The following ZNF469 variants were observed in gnomAD, a reference collection of about 807,000 sequenced individuals.
The protein encoded by ZNF469 is zinc finger protein 469.
A neutral mutation model predicts 1.0 loss-of-function variants in ZNF469; 1 was observed. The observed-to-expected ratio is 1.00, with a 90% CI of 0.35 to 4.73. The LOEUF is 4.73. ZNF469 is among the 30% of genes most tolerant of loss of function. The pLI is 0.16. For synonymous variants in ZNF469, 2,703 were observed against 2,363.4 expected (o/e 1.14, Z -4.17); for missense variants, 6,100 against 5,356.3 (o/e 1.14, Z -4.33).
the ZNF469 span, among the ~76,000 whole-genome samples, chr16:88,267,269 TCAC>T: frequency 5.9e-5 from 9 of 152,282 alleles, no homozygotes; most frequent in East Asian, 1.7e-3. Context: ...CCTCCACCCG[TCAC>T]CACATCGATT....
chr16:88,387,713 T>C (rs1455009429), intron 1 of ZNF469, among the ~76,000 whole-genome samples: 1 of 152,168 alleles, frequency 6.6e-6, no homozygotes, highest in Non-Finnish European at 1.5e-5. Flanking sequence ...CAGGCCAGGC[T>C]GAGAAGGCTC....
At chr16:88,417,774 C>CG (rs1453564452) in intron 1 of ZNF469, among the ~76,000 whole-genome samples, 11 of 152,206 alleles carry the variant, frequency 7.2e-5, no homozygotes, top group Non-Finnish European at 7.3e-5. Context: ...CTCCCAGTGC[C>CG]GGGGAGCTCT....
chr16:88,137,382 T>C, the ZNF469 span, among the ~76,000 whole-genome samples: 1 of 152,218 alleles, frequency 6.6e-6, no homozygotes, highest in Non-Finnish European at 1.5e-5. Flanking sequence ...CATACCACCA[T>C]GTGTGCGGTT....
At chr16:88,210,504 C>G in the ZNF469 span, among the ~76,000 whole-genome samples, 5 of 152,202 alleles carry the variant, frequency 3.3e-5, no homozygotes, top group African/African-American at 7.2e-5. Context: ...CATTTGGATG[C>G]TGAAGTTTAA....
At chr16:88,100,971 G>A in the ZNF469 span, 3 of 276,384 alleles carry the variant, frequency 1.1e-5, no homozygotes, top group East Asian at 1.5e-4. Context: ...CTGCTGCTGC[G>A]GACACCTGGG....
the ZNF469 span, among the ~76,000 whole-genome samples, chr16:88,239,691 ATATATATATATATATATATATATATTTTT>A: frequency 3.2e-4 from 2 of 6,300 alleles, no homozygotes; most frequent in Non-Finnish European, 3.1e-4. Flanking sequence ...ATATATATAT[ATATATATATATATATATATATATATTTTT>A]TTTTTTTTTT....
At chr16:88,347,910 T>A in the ZNF469 span, among the ~76,000 whole-genome samples, 1 of 152,288 alleles carries the variant, frequency 6.6e-6, no homozygotes, top group East Asian at 1.9e-4. Context: ...CCATGACCCC[T>A]GAGGAGGAGG....
rs942909542 is a variant in ZNF469, at chr16:88,436,805, G to A, written c.9335G>A (p.Arg3112Gln). The change falls in exon 3 of 3, where the codon CGG (arginine) becomes CAG (glutamine). Residue 3112 changes from arginine (R) to glutamine (Q), a missense_variant. Coordinates refer to ENST00000565624, the MANE Select transcript of ZNF469 (RefSeq NM_001367624.2). Reference sequence around the variant, plus strand: ...AGAGGCCGGCCGGCCAAGGGCAGGCGGGCCTCCTACAAGTGCAAAGTGTGC... The same window carrying A: ...AGAGGCCGGCCGGCCAAGGGCAGGCAGGCCTCCTACAAGTGCAAAGTGTGC... ...QGRGRPAKGR[R>Q]ASYKCKVCFQ... is the part of the protein sequence containing the mutation. 4.5e-6 allele frequency: 7 copies of A among 1,541,220 alleles called. No individual in the cohort carries two copies. Among genetic ancestry groups the A allele is most frequent in the Admixed American group, 3.9e-5 (2 of 50,910 alleles).
At chr16:88,250,544 G>A in the ZNF469 span, among the ~76,000 whole-genome samples, 3 of 152,144 alleles carry the variant, frequency 2.0e-5, no homozygotes, top group Admixed American at 6.5e-5. Context: ...GAAGTTTTAT[G>A]TCATTTCTTC....
chr16:88,413,982 C>T (rs572607499), intron 1 of ZNF469, among the ~76,000 whole-genome samples: 2 of 152,292 alleles, frequency 1.3e-5, no homozygotes, highest in African/African-American at 2.4e-5. Flanking sequence ...CCTGCTGCCA[C>T]CTGGCCAGTG....
At chr16:88,181,503 A>G in the ZNF469 span, among the ~76,000 whole-genome samples, 37 of 152,250 alleles carry the variant, frequency 2.4e-4, no homozygotes, top group Non-Finnish European at 4.7e-4. Flanking sequence ...GAATTAAGCC[A>G]GAAATTAATA....
the ZNF469 span, among the ~76,000 whole-genome samples, chr16:88,276,279 G>A: frequency 9.2e-5 from 14 of 152,094 alleles, no homozygotes; most frequent in Non-Finnish European, 5.9e-5. Flanking sequence ...AAGCACACTC[G>A]CTGGATATGG....
Position 88,433,940 on chromosome 16 carries a change from G to A in ZNF469, c.6470G>A (p.Arg2157Lys), listed in dbSNP as rs13334190. ...CAGCTGCCAGCATCTCCGTCCTGCA[G>A]GGACCCTCCCGGCCCCCAGCAGCTG... ...GGQLPASPSC[R>K]DPPGPQQLLA... The change falls in exon 3 of 3, where the codon AGG becomes AAG. Residue 2157 changes from arginine (R) to lysine (K), a missense_variant. Physicochemically the swap from Arg to Lys is conservative, Grantham distance 26. Transcript: ENST00000565624. 97,777 of 1,550,084 alleles carry A rather than the reference G, an allele frequency of 0.063. 3,621 individuals are homozygous for A. Among genetic ancestry groups the A allele is most frequent in the African/African-American group, 0.18 (12,811 of 73,162 alleles).
the ZNF469 span, among the ~76,000 whole-genome samples, chr16:88,336,327 C>T: frequency 1.3e-5 from 2 of 151,744 alleles, no homozygotes; most frequent in Non-Finnish European, 2.9e-5. Context: ...TCACGTGAGA[C>T]ACTAACATGC....
the ZNF469 span, among the ~76,000 whole-genome samples, chr16:88,323,231 G>C: frequency 2.6e-5 from 4 of 152,160 alleles, no homozygotes; most frequent in Non-Finnish European, 5.9e-5. Context: ...CTCCGAGGAG[G>C]GGCCCCGGAG....
At chr16:88,166,683 G>T in the ZNF469 span, among the ~76,000 whole-genome samples, 1 of 151,898 alleles carries the variant, frequency 6.6e-6, no homozygotes, top group South Asian at 2.1e-4. This position sits in a 1 kb window ranked among gnomAD's most constrained non-coding sequence, Gnocchi z 4.5. Context: ...TAGCGCCACT[G>T]GGTGAGGCGT....
chr16:88,241,035 C>A, the ZNF469 span, among the ~76,000 whole-genome samples: 1 of 152,110 alleles, frequency 6.6e-6, no homozygotes, highest in Non-Finnish European at 1.5e-5. The surrounding 1 kb of genome is among the most constrained non-coding windows in gnomAD (Gnocchi z 4.8). Flanking sequence ...CAGGGCTCTG[C>A]CATTGTCCCT....
chr16:88,209,092 T>G, the ZNF469 span, among the ~76,000 whole-genome samples: 1 of 152,006 alleles, frequency 6.6e-6, no homozygotes, highest in Non-Finnish European at 1.5e-5. Flanking sequence ...CCAATTAGAG[T>G]CACCTGCCCC....
chr16:88,166,218 C>A, the ZNF469 span, among the ~76,000 whole-genome samples: 1 of 152,086 alleles, frequency 6.6e-6, no homozygotes, highest in African/African-American at 2.4e-5. This position sits in a 1 kb window ranked among gnomAD's most constrained non-coding sequence, Gnocchi z 4.5. Flanking sequence ...ACCCACACAC[C>A]CACCACCTAA....
Sources: gnomAD v4.1 joint callset for allele counts (sites outside exome capture counted in the v4.1 genomes callset) on GRCh38, gnomAD v4.1.1 for gene constraint, Gnocchi (gnomAD v3.1) non-coding constraint, MANE v1.5 for transcripts, NCBI Gene and HGNC (gene_info 2026-07-23, HGNC 2026-07-21) for gene names.